SLCO3A1: variants seen among roughly 807,000 people sequenced by gnomAD.
The protein encoded by SLCO3A1 is PGE1 transporter.
In SLCO3A1, 27 loss-of-function variants were observed where a neutral mutation model predicts 63.1. The ratio of observed to expected loss-of-function variants is 0.43; its 90% CI spans 0.32 to 0.59. The LOEUF (loss-of-function observed/expected upper bound fraction) is 0.59, where lower values mean the gene tolerates loss of function less well. Among genes scored for constraint, SLCO3A1 ranks in the 20% least tolerant of loss-of-function variants. The pLI is 0.09. For missense variants in SLCO3A1, 773 were observed against 945.8 expected (o/e 0.82, Z 2.40); for synonymous variants, 473 against 409.9 (o/e 1.15, Z -1.86).
intron 1 of SLCO3A1, among the ~76,000 whole-genome samples, chr15:91,871,644 C>T (rs1897280075): frequency 6.6e-6 from 1 of 152,000 alleles, no homozygotes; most frequent in African/African-American, 2.4e-5. Context: ...GTTTTGTCTT[C>T]CTGAGGGTGT....
rs916047359 is a variant in SLCO3A1, at chr15:91,883,499, A to G, written c.180+29411A>G. Among the ~76,000 whole-genome samples, 4 of 152,088 alleles carry G rather than the reference A, an allele frequency of 2.6e-5. No individual in the cohort carries two copies. Among genetic ancestry groups the G allele is most frequent in the African/African-American group, 4.8e-5 (2 of 41,406 alleles). On this transcript the variant is annotated intron_variant, in intron 1 of 9. Coordinates refer to ENST00000318445, the MANE Select transcript of SLCO3A1 (RefSeq NM_013272.4). The surrounding 1 kb of genome is among the most constrained non-coding windows in gnomAD (Gnocchi z 4.8). ...TCGCACTGACTGGCTGGGGCCCTTC[A>G]TCCTTTGCATTTTCTTGCATGCAGT...
intron 2 of SLCO3A1, among the ~76,000 whole-genome samples, chr15:91,924,600 G>A (rs990137797): frequency 2.0e-5 from 3 of 152,088 alleles, no homozygotes; most frequent in Non-Finnish European, 4.4e-5. Flanking sequence ...AGTGTTCTTC[G>A]CTGTGGTTCT....
rs577908675 is a variant in SLCO3A1 at position 91,903,112 on chromosome 15, G to A, written c.181-12881G>A. The stretch of plus-strand genomic sequence containing the variant: ...CCCACCATCCTTGGTCTGGTGGCTC[G>A]CACGTAGTCAGCTCATTGGATTCTC... On this transcript the variant is annotated intron_variant, in intron 1 of 9. Coordinates refer to ENST00000318445, the MANE Select transcript of SLCO3A1 (RefSeq NM_013272.4). 7.2e-5 allele frequency among the ~76,000 whole-genome samples: 11 copies of A among 152,318 alleles called. No individual in the cohort carries two copies. In the East Asian group the frequency reaches 1.5e-3, roughly 21 times the overall value.
intron 2 of SLCO3A1, among the ~76,000 whole-genome samples, chr15:92,006,512 T>C (rs2046314450): frequency 6.6e-6 from 1 of 152,210 alleles, no homozygotes; most frequent in African/African-American, 2.4e-5. Flanking sequence ...TAATGAGTGC[T>C]GGGGTTCATG....
intron 2 of SLCO3A1, among the ~76,000 whole-genome samples, chr15:92,085,298 G>A (rs1379306348): frequency 6.6e-6 from 1 of 152,218 alleles, no homozygotes; most frequent in Non-Finnish European, 1.5e-5. Context: ...TGGACTCCTC[G>A]ATTCAAGGAG....
At position 92,016,204 on chromosome 15, in the gene SLCO3A1, TATAGATAGATAGATAGATAGATAG is replaced by T. The variant is rs1039964856; in HGVS notation, c.647-78650_647-78627del. Among the ~76,000 whole-genome samples the T allele has an allele frequency of 5.4e-4, 65 of 120,122 alleles. 1 individual carries two copies. Among genetic ancestry groups the T allele is most frequent in the Non-Finnish European group, 9.9e-4 (58 of 58,634 alleles). 78.8% of individuals were successfully genotyped at this position (120,122 alleles called of 152,430 possible). ...TGCAGATTTGTTGTATATATATTTA[TATAGATAGATAGATAGATAGATAG>T]ATAGATAGATAGATAGATAGATAGA... is the stretch of plus-strand genomic sequence containing the variant. On this transcript the variant is annotated intron_variant, in intron 2 of 9. Transcript: ENST00000318445.
chr15:91,881,001 T>G (rs1487920302), intron 1 of SLCO3A1, among the ~76,000 whole-genome samples: 1 of 152,190 alleles, frequency 6.6e-6, no homozygotes, highest in African/African-American at 2.4e-5. Context: ...CCAGGCGATA[T>G]GTCTCCTTTC....
Position 92,163,235 on chromosome 15 carries a change from A to G in SLCO3A1, c.*100A>G. 3 of 1,434,542 alleles carry G rather than the reference A, an allele frequency of 2.1e-6. No individual in the cohort carries two copies. The highest frequency in any genetic ancestry group is 2.7e-6 in the Non-Finnish European group (3 of 1,102,702). 88.9% of individuals were successfully genotyped at this position (1,434,542 alleles called of 1,614,324 possible). ...CAAAAAAAACCAAAACTCAGTACACACACACAGGCACAGATGCACACACAC... is the reference window on the plus strand; with the variant it reads ...CAAAAAAAACCAAAACTCAGTACACGCACACAGGCACAGATGCACACACAC... On this transcript the variant is annotated 3_prime_UTR_variant, in exon 10 of 10. Coordinates refer to ENST00000318445, the MANE Select transcript of SLCO3A1 (RefSeq NM_013272.4).
At chr15:92,108,862 C>T (rs755195684) in intron 4 of SLCO3A1, among the ~76,000 whole-genome samples, 19 of 152,196 alleles carry the variant, frequency 1.2e-4, no homozygotes, top group African/African-American at 7.2e-5. Context: ...CCTGTGTACC[C>T]GGTGCTAGGT....
chr15:91,898,293 C>T (rs187110624), intron 1 of SLCO3A1, among the ~76,000 whole-genome samples: 67 of 152,354 alleles, frequency 4.4e-4, no homozygotes, highest in African/African-American at 2.2e-4. Context: ...CTATTCTAGA[C>T]GCTTGAGATC....
rs1346734459 is a variant in SLCO3A1 at position 91,916,447 on chromosome 15, C to T, written c.635C>T (p.Ser212Leu). The T allele has an allele frequency of 6.2e-7, 1 of 1,607,120 alleles. No homozygotes were observed. Among genetic ancestry groups the T allele is most frequent in the Admixed American group, 1.7e-5 (1 of 59,176 alleles). Residue 212 changes from serine to leucine, a missense_variant, in exon 2 of 10, where the codon TCG becomes TTG. Physicochemically the swap from Ser to Leu is moderately radical, Grantham distance 145 (BLOSUM62 -2). This residue lies in a region of SLCO3A1 where 565 missense variants were observed against 749.8 expected (regional missense o/e 0.75). Transcript: ENST00000318445. This position sits in a 1 kb window ranked among gnomAD's most constrained non-coding sequence, Gnocchi z 6.2. ...IDDHVRRKDSSLYIGILFTML... is the reference protein window; with the variant it reads ...IDDHVRRKDSLLYIGILFTML... ...GACCACGTGCGGAGGAAGGACTCCT[C>T]GCTCTATATAGGTAGGAGCTGCCCC...
chr15:91,950,665 A>T lies in SLCO3A1; in HGVS notation c.646+34207A>T, dbSNP rs1189595434. Among the ~76,000 whole-genome samples, 1 of 152,086 alleles carries T rather than the reference A, an allele frequency of 6.6e-6. No homozygotes were observed. The highest frequency in any genetic ancestry group is 2.4e-5 in the African/African-American group (1 of 41,408). On this transcript the variant is annotated intron_variant, in intron 2 of 9. Coordinates refer to ENST00000318445, the MANE Select transcript of SLCO3A1 (RefSeq NM_013272.4). This position sits in a 1 kb window ranked among gnomAD's most constrained non-coding sequence, Gnocchi z 4.4. ...TCTTCCCGCTGTTTATTTAATGTAC[A>T]TGTTGTCTGACTTCATTTGGTTCTG...
At position 92,128,424 on chromosome 15, in the gene SLCO3A1, A is replaced by C; in HGVS notation, c.1447A>C (p.Thr483Pro). The C allele has an allele frequency of 6.2e-7, 1 of 1,613,648 alleles. No homozygotes were observed. Among genetic ancestry groups the C allele is most frequent in the Non-Finnish European group, 8.5e-7 (1 of 1,179,904 alleles). ...NNCECQTDSFTPVCGADGITY... is the reference protein window; with the variant it reads ...NNCECQTDSFPPVCGADGITY... The stretch of plus-strand genomic sequence containing the variant: ...CTGTGAATGCCAAACCGATTCCTTC[A>C]CTCCAGTGTGTGGGGCAGATGGCAT... Residue 483 changes from threonine (T) to proline (P), a missense_variant, in exon 7 of 10, where the codon ACT becomes CCT. Physicochemically the swap from Thr to Pro is conservative, Grantham distance 38. Around this residue, in one of 3 missense-constraint regions of SLCO3A1, gnomAD observed 565 missense variants for 749.8 expected, o/e 0.75. Transcript: ENST00000318445.
chr15:92,156,984 T>C (rs938424451), intron 9 of SLCO3A1, among the ~76,000 whole-genome samples: 2 of 152,190 alleles, frequency 1.3e-5, no homozygotes, highest in Non-Finnish European at 2.9e-5. Context: ...GGCCCTGAGG[T>C]TTAATCTCTG....
chr15:91,869,501 A>G (rs1236531004), intron 1 of SLCO3A1, among the ~76,000 whole-genome samples: 4 of 148,726 alleles, frequency 2.7e-5, no homozygotes, highest in Non-Finnish European at 1.5e-5. Context: ...GCGCCACTGC[A>G]CTCCAGTCTC....
Position 92,165,385 on chromosome 15 carries a change from G to C in SLCO3A1, c.*2250G>C. ...AATATCCTGTACAGATTTTGGTTTA[G>C]TTTTGCAAATATATTGCTAATAGGT... On this transcript the variant is annotated 3_prime_UTR_variant, in exon 10 of 10. Transcript: ENST00000318445. The C allele has an allele frequency of 6.1e-6, 6 of 985,248 alleles. No homozygotes were observed. Among genetic ancestry groups the C allele is most frequent in the Non-Finnish European group, 7.2e-6 (6 of 829,878 alleles). The allele number at this position is 985,248 out of a possible 1,614,324, so 61.0% of individuals were successfully genotyped here. A position where few individuals can be genotyped will look rare whatever the true frequency, so the allele number is the denominator to read the frequency against.
chr15:92,080,417 A>T (rs2047329538), intron 2 of SLCO3A1, among the ~76,000 whole-genome samples: 1 of 151,636 alleles, frequency 6.6e-6, no homozygotes, highest in African/African-American at 2.4e-5. Context: ...CTCCAGTCCA[A>T]CTAGAAGCAG....
chr15:91,959,317 T>C (rs888039875), intron 2 of SLCO3A1, among the ~76,000 whole-genome samples: 2 of 151,966 alleles, frequency 1.3e-5, no homozygotes, highest in Non-Finnish European at 2.9e-5. Context: ...AGACAACATA[T>C]TGGTACAGTG....
At chr15:91,951,457 G>A (rs148249283) in intron 2 of SLCO3A1, among the ~76,000 whole-genome samples, 421 of 152,094 alleles carry the variant, frequency 2.8e-3, no homozygotes, top group African/African-American at 8.2e-3. Flanking sequence ...TTATTCATCG[G>A]TCAGTGAACA....
Sources: allele counts gnomAD v4.1 joint callset (sites outside exome capture counted in the v4.1 genomes callset), GRCh38; gene constraint gnomAD v4.1.1; regional missense constraint gnomAD v4.1.1; non-coding constraint Gnocchi (gnomAD v3.1); transcripts MANE v1.5; gene names NCBI Gene and HGNC (gene_info 2026-07-23, HGNC 2026-07-21).